The following GALNT10 variants were observed in gnomAD, a reference collection of about 807,000 sequenced individuals.
The protein encoded by GALNT10 is GalNAc transferase 10.
In GALNT10, 41 loss-of-function variants were observed where a neutral mutation model predicts 75.0. That is an observed-to-expected ratio of 0.55 (90% confidence interval 0.43 to 0.71). The LOEUF (loss-of-function observed/expected upper bound fraction) is 0.71, where lower values mean the gene tolerates loss of function less well. Among genes scored for constraint, GALNT10 ranks in the 30% least tolerant of loss-of-function variants. GALNT10 has a pLI of 0.00. For synonymous variants in GALNT10, 302 were observed against 313.0 expected, an observed-to-expected ratio of 0.96 and a Z score of 0.37; for missense variants, 727 against 818.5, an observed-to-expected ratio of 0.89 and a Z score of 1.36.
chr5:154,382,095 C>G (rs1755743050), intron 6 of GALNT10, among the ~76,000 whole-genome samples: 1 of 152,212 alleles, frequency 6.6e-6, no homozygotes, highest in Admixed American at 6.5e-5. Context: ...CCTTACTCTC[C>G]CCATCTGAGA....
intron 3 of GALNT10, among the ~76,000 whole-genome samples, chr5:154,315,038 T>C (rs1311924566): frequency 6.6e-6 from 1 of 152,118 alleles, no homozygotes; most frequent in Non-Finnish European, 1.5e-5. Context: ...TCTCAGTGTC[T>C]ATGACCTGGA....
intron 4 of GALNT10, among the ~76,000 whole-genome samples, chr5:154,361,273 G>T (rs1338196974): frequency 1.3e-5 from 2 of 151,750 alleles, no homozygotes; most frequent in Non-Finnish European, 2.9e-5. Context: ...AGGAGCACAG[G>T]CTCTGGAGTC....
rs1044905334 is a variant in GALNT10, at chr5:154,329,695, G to A, written c.525G>A (p.Glu175=). ...GTGTGCTCAATCGCTCGCCTCCAGAGCTGGTCGCCGAGATTGTACTGGTCG... is the reference window on the plus strand; with the variant it reads ...GTGTGCTCAATCGCTCGCCTCCAGAACTGGTCGCCGAGATTGTACTGGTCG... The part of the protein sequence containing the change: ...VHSVLNRSPP[E]LVAEIVLVDD... The change falls in exon 4 of 12, where the codon GAG becomes GAA. Residue 175 remains glutamate (E), a synonymous_variant. Transcript: ENST00000297107. 1 of 1,613,754 alleles carries A rather than the reference G, an allele frequency of 6.2e-7. No homozygotes were observed. Among genetic ancestry groups the A allele is most frequent in the Admixed American group, 1.7e-5 (1 of 60,002 alleles).
intron 1 of GALNT10, among the ~76,000 whole-genome samples, chr5:154,204,845 T>C (rs1262860355): frequency 6.6e-6 from 1 of 152,238 alleles, no homozygotes; most frequent in Non-Finnish European, 1.5e-5. Flanking sequence ...TGCTTATTTA[T>C]TTACTTGTTT....
Position 154,409,820 on chromosome 5 carries a change from C to T in GALNT10, c.1386+58C>T. On this transcript the variant is annotated intron_variant, in intron 9 of 11. Transcript: ENST00000297107. The surrounding 1 kb of genome is among the most constrained non-coding windows in gnomAD (Gnocchi z 4.5). ...TTAATGGGTGTGCAAAATGCAAATG[C>T]AGATCCCATGTTCAAAAGGTAGAAA... 1 of 1,115,132 alleles carries T rather than the reference C, an allele frequency of 9.0e-7. No individual in the cohort carries two copies. The highest frequency in any genetic ancestry group is 1.2e-5 in the South Asian group (1 of 80,824). The allele number at this position is 1,115,132 out of a possible 1,614,324, so 69.1% of individuals were successfully genotyped here. A position where few individuals can be genotyped will look rare whatever the true frequency, so the allele number is the denominator to read the frequency against.
At chr5:154,367,488 G>C (rs923092401) in intron 4 of GALNT10, among the ~76,000 whole-genome samples, 1 of 152,156 alleles carries the variant, frequency 6.6e-6, no homozygotes, top group Admixed American at 6.5e-5. Context: ...GGATGGGAGG[G>C]CACCCAAGCC....
chr5:154,264,404 G>T (rs1753748329), intron 1 of GALNT10, among the ~76,000 whole-genome samples: 2 of 151,784 alleles, frequency 1.3e-5, no homozygotes, highest in Admixed American at 6.6e-5. Flanking sequence ...TGTGATAATA[G>T]AATTGTGGTT....
intron 1 of GALNT10, among the ~76,000 whole-genome samples, chr5:154,197,440 G>T (rs1323338169): frequency 1.3e-5 from 2 of 152,144 alleles, no homozygotes; most frequent in East Asian, 3.9e-4. Context: ...GCTTGCTGTG[G>T]TGGGTGGGTG....
intron 4 of GALNT10, among the ~76,000 whole-genome samples, chr5:154,343,614 A>T (rs534510571): frequency 6.6e-6 from 1 of 152,210 alleles, no homozygotes; most frequent in Admixed American, 6.5e-5. Flanking sequence ...GAAATGTCCA[A>T]TAAAAAATAT....
Position 154,197,715 on chromosome 5 carries a change from A to T in GALNT10, c.159+6690A>T, listed in dbSNP as rs377301851. Among the ~76,000 whole-genome samples the T allele has an allele frequency of 2.6e-5, 4 of 152,210 alleles. No individual in the cohort carries two copies. In the South Asian group the frequency reaches 6.2e-4, roughly 24 times the overall value. ...GATGATATGGCTGATAATGAGGTTGATAATGTTAATAGTAGTAATAGCAGT... is the reference window on the plus strand; with the variant it reads ...GATGATATGGCTGATAATGAGGTTGTTAATGTTAATAGTAGTAATAGCAGT... On this transcript the variant is annotated intron_variant, in intron 1 of 11. Transcript: ENST00000297107.
chr5:154,362,913 G>T (rs1406570155), intron 4 of GALNT10, among the ~76,000 whole-genome samples: 1 of 152,170 alleles, frequency 6.6e-6, no homozygotes, highest in Non-Finnish European at 1.5e-5. Context: ...AGAGCATGGT[G>T]TCAGGGCGAG....
At chr5:154,202,084 A>G (rs978218417) in intron 1 of GALNT10, among the ~76,000 whole-genome samples, 7 of 152,224 alleles carry the variant, frequency 4.6e-5, no homozygotes, top group Non-Finnish European at 1.0e-4. Context: ...CAGGTTTCCC[A>G]GCAGAAATGG....
rs1017491948 is a variant in GALNT10 at position 154,418,239 on chromosome 5, C to T, written c.*1267C>T. ...AGCAGAGGCTGTGGTACAACATGGT[C>T]CTTGGTGAAGACCTGCACCCCTGGA... On this transcript the variant is annotated 3_prime_UTR_variant, in exon 12 of 12. Transcript: ENST00000297107. 1.2e-4 allele frequency: 18 copies of T among 152,272 alleles called. No individual in the cohort carries two copies. Among genetic ancestry groups the T allele is most frequent in the African/African-American group, 4.1e-4 (17 of 41,536 alleles). 9.4% of individuals were successfully genotyped at this position (152,272 alleles called of 1,614,324 possible).
chr5:154,296,721 G>A (rs7722656), intron 2 of GALNT10, among the ~76,000 whole-genome samples: 46 of 152,260 alleles, frequency 3.0e-4, no homozygotes, highest in African/African-American at 1.1e-3. Flanking sequence ...CACTCCATCT[G>A]GCTCCAGGGC....
At chr5:154,199,387 C>T (rs559822211) in intron 1 of GALNT10, among the ~76,000 whole-genome samples, 1 of 152,248 alleles carries the variant, frequency 6.6e-6, no homozygotes, top group South Asian at 2.1e-4. Context: ...CAGGACCCGC[C>T]CTTGAACTTC....
At chr5:154,241,702 T>C in intron 1 of GALNT10, among the ~76,000 whole-genome samples, 1 of 152,218 alleles carries the variant, frequency 6.6e-6, no homozygotes, top group South Asian at 2.1e-4. Flanking sequence ...ATATTATTCC[T>C]CTTTGGGAGA....
chr5:154,404,103 G>A lies in GALNT10; in HGVS notation c.1057-1G>A. 6.2e-7 allele frequency: 1 copy of A among 1,610,112 alleles called. No individual in the cohort carries two copies. Among genetic ancestry groups the A allele is most frequent in the Non-Finnish European group, 8.5e-7 (1 of 1,176,268 alleles). ...CCTCTCTCTTCCTTCTTGCCATGCAGGTGTGGATGTGTGGGGGCCGCATGG... is the reference window on the plus strand; with the variant it reads ...CCTCTCTCTTCCTTCTTGCCATGCAAGTGTGGATGTGTGGGGGCCGCATGG... On this transcript the variant is annotated splice_acceptor_variant, in intron 7 of 11. Coordinates refer to ENST00000297107, the MANE Select transcript of GALNT10 (RefSeq NM_198321.4). LOFTEE classifies it high-confidence loss of function.
chr5:154,208,251 G>A (rs541766679), intron 1 of GALNT10, among the ~76,000 whole-genome samples: 54 of 152,308 alleles, frequency 3.5e-4, no homozygotes, highest in African/African-American at 1.2e-3. Flanking sequence ...TGGCCCATTA[G>A]ACAGATAATT....
rs572521892 is a variant in GALNT10 at position 154,222,616 on chromosome 5, C to T, written c.159+31591C>T. On this transcript the variant is annotated intron_variant, in intron 1 of 11. Coordinates refer to ENST00000297107, the MANE Select transcript of GALNT10 (RefSeq NM_198321.4). ...AGAGTCTGGCTGCTCCGCATCCTCA[C>T]CAACACTTAGAATGGTCAGTCTTTA... Among the ~76,000 whole-genome samples the T allele has an allele frequency of 5.9e-5, 9 of 152,208 alleles. No individual in the cohort carries two copies. In the East Asian group the frequency reaches 1.5e-3, roughly 26 times the overall value.
Sources: gnomAD v4.1 joint callset for allele counts (sites outside exome capture counted in the v4.1 genomes callset) on GRCh38, gnomAD v4.1.1 for gene constraint, Gnocchi (gnomAD v3.1) non-coding constraint, MANE v1.5 for transcripts, NCBI Gene and HGNC (gene_info 2026-07-23, HGNC 2026-07-21) for gene names.